VPS13A: variants seen among roughly 807,000 people sequenced by gnomAD.
VPS13A encodes the protein intermembrane lipid transfer protein VPS13A.
Under a neutral mutation model 390.9 loss-of-function variants are expected in VPS13A, and 264 were observed. The observed-to-expected ratio is 0.68, with a 90% CI of 0.61 to 0.75. The LOEUF (loss-of-function observed/expected upper bound fraction) is 0.75, where lower values mean the gene tolerates loss of function less well. Ranked by LOEUF, VPS13A falls within the 30% of genes least tolerant of loss-of-function variation. VPS13A has a pLI of 0.00. For synonymous variants in VPS13A, 1,231 were observed against 1,227.1 expected, an observed-to-expected ratio of 1.00 and a Z score of -0.07; for missense variants, 3,409 against 3,733.9, an observed-to-expected ratio of 0.91 and a Z score of 2.27.
intron 52 of VPS13A, 36 bp from the exon 53 acceptor site, chr9:77,351,281 C>T: frequency 2.5e-6 from 4 of 1,607,768 alleles, no homozygotes; most frequent in Non-Finnish European, 8.5e-7. Flanking sequence ...CGTGTACTTG[C>T]ATTTAATTTA....
chr9:77,350,115 C>T lies in VPS13A; in HGVS notation c.7290-1202C>T, dbSNP rs534341144. On this transcript the variant is annotated intron_variant, in intron 52 of 71. Transcript: ENST00000360280. ...TTTTTTGTTATTGAAGGTTTCGATA[C>T]ATTTAAAATCAATTTTAAGATTGAA... Among the ~76,000 whole-genome samples the T allele has an allele frequency of 2.1e-4, 32 of 152,224 alleles. 1 individual carries two copies. Among genetic ancestry groups the T allele is most frequent in the African/African-American group, 7.0e-4 (29 of 41,542 alleles).
rs1831454100 is a variant in VPS13A, at chr9:77,351,331, T to C, written c.7304T>C (p.Ile2435Thr). The stretch of plus-strand genomic sequence containing the variant: ...TACTGTGTCAGTTCTCTCAGTGAAA[T>C]AGAAGATTCCCTCCCTCCTGGTAAA... The part of the protein sequence containing the change: ...VQYNQSSLSE[I>T]EDSLPPGKAV... The change falls in exon 53 of 72, where the codon ATA becomes ACA. Residue 2435 changes from isoleucine to threonine, a missense_variant. Ile to Thr is a moderately conservative substitution (Grantham distance 89). Transcript: ENST00000360280. 6.2e-7 allele frequency: 1 copy of C among 1,613,684 alleles called. No homozygotes were observed.
intron 70 of VPS13A, among the ~76,000 whole-genome samples, chr9:77,406,894 C>CTGTT (rs1834637461): frequency 6.6e-6 from 1 of 152,112 alleles, no homozygotes; most frequent in African/African-American, 2.4e-5. Context: ...AGTTTCACTT[C>CTGTT]TGTTTGCCCC....
At chr9:77,256,063 G>C (rs1207506778) in intron 22 of VPS13A, among the ~76,000 whole-genome samples, 1 of 151,092 alleles carries the variant, frequency 6.6e-6, no homozygotes, top group African/African-American at 2.4e-5. Flanking sequence ...TCTTTTTCTA[G>C]TTCCTTAAGG....
Position 77,257,872 on chromosome 9 carries a change from A to G in VPS13A, c.2289-2214A>G, listed in dbSNP as rs183452350. Among the ~76,000 whole-genome samples, 60 of 152,304 alleles carry G rather than the reference A, an allele frequency of 3.9e-4. 1 individual carries two copies. The East Asian group carries it at 0.01, about 26-fold the overall frequency. On this transcript the variant is annotated intron_variant, in intron 22 of 71. Transcript: ENST00000360280. ...TATTGATGTCCCAGATTATATTTTT[A>G]TGTATTCTATACCCATTAACAAAGA...
At chr9:77,233,723 A>G (rs1433916252) in intron 17 of VPS13A, among the ~76,000 whole-genome samples, 1 of 151,474 alleles carries the variant, frequency 6.6e-6, no homozygotes, top group Non-Finnish European at 1.5e-5. Flanking sequence ...TCTTCTATTG[A>G]GTTCTAATTT....
intron 69 of VPS13A, 87 bp downstream of exon 69, chr9:77,403,408 T>G: frequency 1.9e-6 from 2 of 1,079,508 alleles, no homozygotes; most frequent in Non-Finnish European, 2.8e-6. Context: ...TCACCTTTTG[T>G]TCCATATAGT....
At chr9:77,331,821 A>G (rs1043674921) in intron 45 of VPS13A, among the ~76,000 whole-genome samples, 189 bp from the exon 46 acceptor site, 6 of 152,022 alleles carry the variant, frequency 3.9e-5, no homozygotes, top group African/African-American at 2.4e-5. Flanking sequence ...CCTATTATAT[A>G]AAACTATAGA....
intron 23 of VPS13A, among the ~76,000 whole-genome samples, chr9:77,268,180 G>T (rs1223087021): frequency 1.3e-5 from 2 of 152,234 alleles, no homozygotes; most frequent in Non-Finnish European, 2.9e-5. Flanking sequence ...TGGCATTCCA[G>T]GTGCCACTGG....
At position 77,314,098 on chromosome 9, in the gene VPS13A, G is replaced by A. The variant is rs1049272708; in HGVS notation, c.4221G>A (p.Leu1407=). 4 of 1,613,146 alleles carry A rather than the reference G, an allele frequency of 2.5e-6. No individual in the cohort carries two copies. The African/African-American group carries it at 4.0e-5, about 16-fold the overall frequency. Residue 1407 remains leucine, a synonymous_variant, in exon 36 of 72, where the codon CTG becomes CTA. Coordinates refer to ENST00000360280, the MANE Select transcript of VPS13A (RefSeq NM_033305.3). ...AAACTGATGATCTCACCATGGTGCT[G>A]TATAGTCCAGGTCCTAAACAGGTAA... The part of the protein sequence containing the change: ...SFKTDDLTMV[L]YSPGPKQASF...
chr9:77,283,301 G>A (rs1827146977), intron 29 of VPS13A, 54 bp from the exon 30 acceptor site: 2 of 1,004,000 alleles, frequency 2.0e-6, no homozygotes, highest in Non-Finnish European at 3.1e-6. Context: ...AGTATAGTGA[G>A]GTAACTACTA....
At position 77,205,380 on chromosome 9, in the gene VPS13A, A is replaced by C. The variant is rs752355296; in HGVS notation, c.255A>C (p.Glu85Asp). The change falls in exon 4 of 72, where the codon GAA becomes GAC. Residue 85 changes from glutamate (E) to aspartate (D), a missense_variant. Glu to Asp is a conservative substitution (Grantham distance 45). Around this residue, in one of 5 missense-constraint regions of VPS13A, gnomAD observed 2,717 missense variants for 2,917.4 expected, o/e 0.93. Coordinates refer to ENST00000360280, the MANE Select transcript of VPS13A (RefSeq NM_033305.3). Reference sequence around the variant, plus strand: ...AACCTGTTGAAGCCGTATTGGAAGAAATTTATTTACTTATAGTGCCTTCTT... The same window carrying C: ...AACCTGTTGAAGCCGTATTGGAAGACATTTATTTACTTATAGTGCCTTCTT... ...YTQPVEAVLE[E>D]IYLLIVPSSR... The C allele has an allele frequency of 2.7e-6, 4 of 1,475,326 alleles. No individual in the cohort carries two copies. In the East Asian group the frequency reaches 9.7e-5, roughly 36 times the overall value. The allele number at this position is 1,475,326 out of a possible 1,614,324, so 91.4% of individuals were successfully genotyped here.
At chr9:77,247,862 T>C (rs951112896) in intron 20 of VPS13A, among the ~76,000 whole-genome samples, 1 of 152,196 alleles carries the variant, frequency 6.6e-6, no homozygotes. Context: ...AATTTCACTA[T>C]GTTGCAGACT....
At chr9:77,194,779 G>A (rs189549992) in intron 1 of VPS13A, among the ~76,000 whole-genome samples, 213 of 152,042 alleles carry the variant, frequency 1.4e-3, no homozygotes, top group Non-Finnish European at 2.2e-3. Context: ...CCCAGGATCC[G>A]CATCCTCCTT....
In VPS13A at chr9:77,297,054, T is replaced by C. The variant is rs1828040145; in HGVS notation, c.3812+1208T>C. Among the ~76,000 whole-genome samples, 3 of 152,146 alleles carry C rather than the reference T, an allele frequency of 2.0e-5. 1 individual carries two copies. In the South Asian group the frequency reaches 6.2e-4, roughly 32 times the overall value. On this transcript the variant is annotated intron_variant, in intron 33 of 71. Coordinates refer to ENST00000360280, the MANE Select transcript of VPS13A (RefSeq NM_033305.3). Reference sequence around the variant, plus strand: ...CAATCTGGTTAGCGATTTATCCGTTTTATTGATCTTAAGCAGTTTTTGGTT... The same window carrying C: ...CAATCTGGTTAGCGATTTATCCGTTCTATTGATCTTAAGCAGTTTTTGGTT...
rs1823098505 is a variant in VPS13A, at chr9:77,220,001, T to C, written c.802T>C (p.Ser268Pro). Residue 268 changes from serine to proline, a missense_variant, in exon 11 of 72, where the codon TCT becomes CCT. This residue lies in a region of VPS13A where 2,717 missense variants were observed against 2,917.4 expected (regional missense o/e 0.93). Transcript: ENST00000360280. ...ANAKLVMNRR[S>P]DFDFSAPKIN... ...TGCCAAACTTGTGATGAATCGCCGA[T>C]CTGATTTTGACTTTTCTGCCCCCAA... is the stretch of plus-strand genomic sequence containing the variant. 1.2e-6 allele frequency: 2 copies of C among 1,613,546 alleles called. No individual in the cohort carries two copies. Among genetic ancestry groups the C allele is most frequent in the African/African-American group, 2.7e-5 (2 of 74,914 alleles).
At chr9:77,353,898 C>A (rs112901910) in intron 54 of VPS13A, among the ~76,000 whole-genome samples, 39 of 152,130 alleles carry the variant, frequency 2.6e-4, no homozygotes, top group African/African-American at 7.5e-4. Context: ...ATTCAACTTG[C>A]CAAAAGTATG....
At chr9:77,346,145 AG>A (rs758498420) in intron 52 of VPS13A, among the ~76,000 whole-genome samples, 1 of 152,130 alleles carries the variant, frequency 6.6e-6, no homozygotes, top group Non-Finnish European at 1.5e-5. Context: ...GCAGTGTGAA[AG>A]TGTTCCCTTT....
rs1469001612 is a variant in VPS13A, at chr9:77,417,033, C to T, written c.*1027C>T. 6.6e-6 allele frequency: 1 copy of T among 152,202 alleles called. No homozygotes were observed. Among genetic ancestry groups the T allele is most frequent in the Non-Finnish European group, 1.5e-5 (1 of 68,016 alleles). The allele number at this position is 152,202 out of a possible 1,614,324, so 9.4% of individuals were successfully genotyped here. A position where few individuals can be genotyped will look rare whatever the true frequency, so the allele number is the denominator to read the frequency against. ...TCACGCTTTTAAATTTACAGCTCAT[C>T]ACAGAAATCATCAGCTATACATTAG... On this transcript the variant is annotated 3_prime_UTR_variant, in exon 72 of 72. Coordinates refer to ENST00000360280, the MANE Select transcript of VPS13A (RefSeq NM_033305.3).
Sources: gnomAD v4.1 joint callset for allele counts (sites outside exome capture counted in the v4.1 genomes callset) on GRCh38, gnomAD v4.1.1 for gene constraint, gnomAD v4.1.1 regional missense constraint, MANE v1.5 for transcripts, NCBI Gene and HGNC (gene_info 2026-07-23, HGNC 2026-07-21) for gene names.